RASA3: variants seen among roughly 807,000 people sequenced by gnomAD.
The protein encoded by RASA3 is ras GTPase-activating protein 3.
In RASA3, 73 loss-of-function variants were observed where a neutral mutation model predicts 110.0. The ratio of observed to expected loss-of-function variants is 0.66; its 90% confidence interval spans 0.55 to 0.81. The LOEUF is 0.81. Among genes scored for constraint, RASA3 ranks in the 30% least tolerant of loss-of-function variants. The pLI is 0.00. For missense variants in RASA3, 976 were observed against 1,113.2 expected (o/e 0.88, Z 1.75); for synonymous variants, 500 against 451.4 (o/e 1.11, Z -1.37).
At chr13:114,015,584 G>C (rs1275855786) in intron 13 of RASA3, among the ~76,000 whole-genome samples, 1 of 152,268 alleles carries the variant, frequency 6.6e-6, no homozygotes, top group African/African-American at 2.4e-5. Context: ...TTACTGAGTG[G>C]GGAATGGACG....
intron 2 of RASA3, among the ~76,000 whole-genome samples, chr13:114,064,160 C>T (rs548978481): frequency 4.4e-4 from 67 of 152,316 alleles, no homozygotes; most frequent in African/African-American, 1.5e-3. Context: ...TGTGATCAGC[C>T]AACTCTGAAA....
intron 1 of RASA3, among the ~76,000 whole-genome samples, chr13:114,108,321 AC>A (rs1481045088): frequency 1.2e-5 from 1 of 84,056 alleles, no homozygotes; most frequent in African/African-American, 4.7e-5. Context: ...TGAAACCATC[AC>A]CCCATCTGTC....
chr13:114,070,969 G>A (rs964894958), intron 2 of RASA3, among the ~76,000 whole-genome samples: 25 of 133,298 alleles, frequency 1.9e-4, no homozygotes, highest in African/African-American at 7.7e-4. Context: ...TTACACGTGG[G>A]CAGGGCTGCC....
At chr13:114,075,146 C>G (rs1377235727) in intron 1 of RASA3, among the ~76,000 whole-genome samples, 1 of 152,238 alleles carries the variant, frequency 6.6e-6, no homozygotes, top group Non-Finnish European at 1.5e-5. Flanking sequence ...CCACTCAGGG[C>G]CACATCACCT....
intron 18 of RASA3, 99 bp from the exon 19 acceptor site, chr13:114,001,031 G>A (rs977059160): frequency 2.6e-5 from 20 of 765,924 alleles, no homozygotes; most frequent in African/African-American, 2.6e-4. Context: ...GAGACCTGAG[G>A]CAGGCAGTGG....
chr13:114,034,301 G>A (rs192218210), intron 4 of RASA3, among the ~76,000 whole-genome samples: 154 of 152,384 alleles, frequency 1.0e-3, no homozygotes, highest in African/African-American at 3.3e-3. Context: ...GGACAGAAGC[G>A]TTCAGATTTG....
intron 1 of RASA3, among the ~76,000 whole-genome samples, chr13:114,127,039 T>C (rs540577891): frequency 4.6e-5 from 7 of 152,354 alleles, no homozygotes; most frequent in African/African-American, 1.7e-4. Context: ...TGCTTGTGGC[T>C]GTTTCCAGCC....
intron 1 of RASA3, among the ~76,000 whole-genome samples, chr13:114,124,029 G>A (rs965005436): frequency 2.0e-5 from 3 of 152,136 alleles, no homozygotes; most frequent in Non-Finnish European, 4.4e-5. Flanking sequence ...TCCCCAGTGC[G>A]GCTCCTGTCT....
chr13:114,106,350 T>C (rs916679990), intron 1 of RASA3, among the ~76,000 whole-genome samples: 1 of 152,188 alleles, frequency 6.6e-6, no homozygotes, highest in African/African-American at 2.4e-5. Context: ...AACTTAAAAT[T>C]AGCTTTTCCA....
intron 15 of RASA3, among the ~76,000 whole-genome samples, chr13:114,012,689 CCA>C (rs1264788116): frequency 4.5e-5 from 5 of 111,098 alleles, no homozygotes; most frequent in East Asian, 4.7e-4. Flanking sequence ...TCCACGCACT[CCA>C]CACACTCCTC....
intron 2 of RASA3, among the ~76,000 whole-genome samples, chr13:114,068,215 A>C (rs2079487794): frequency 6.6e-6 from 1 of 152,198 alleles, no homozygotes; most frequent in Non-Finnish European, 1.5e-5. Flanking sequence ...GCAACTCCAC[A>C]GAAAGGGGGG....
intron 12 of RASA3, among the ~76,000 whole-genome samples, chr13:114,016,666 C>A (rs2053799509): frequency 6.6e-6 from 1 of 152,376 alleles, no homozygotes; most frequent in South Asian, 2.1e-4. Flanking sequence ...TGCACCAGCC[C>A]ACACGGACTA....
chr13:114,033,161 C>T (rs544525017), intron 4 of RASA3, among the ~76,000 whole-genome samples: 28 of 99,114 alleles, frequency 2.8e-4, no homozygotes, highest in Non-Finnish European at 1.9e-4. Flanking sequence ...CACGGCACCC[C>T]CACACTGACA....
At chr13:114,104,437 T>C (rs9590437) in intron 1 of RASA3, among the ~76,000 whole-genome samples, 111,488 of 149,244 alleles carry the variant, frequency 0.75, 41,993 homozygotes, top group Middle Eastern at 0.81. Context: ...AGAGGCTCAG[T>C]CCACAGCCCA....
chr13:114,046,436 T>C (rs1028339960), intron 3 of RASA3, among the ~76,000 whole-genome samples: 1 of 152,236 alleles, frequency 6.6e-6, no homozygotes, highest in Admixed American at 6.5e-5. Flanking sequence ...GGGTTCCCCA[T>C]AGGCAGGGTG....
In RASA3 at chr13:114,027,960, G is replaced by A. The variant is rs377235589; in HGVS notation, c.450-33C>T. The A allele has an allele frequency of 5.7e-6, 9 of 1,574,936 alleles. No homozygotes were observed. In the African/African-American group the frequency reaches 1.2e-4, roughly 21 times the overall value. The stretch of plus-strand genomic sequence containing the variant: ...GAGAAGCAGAGGCGGCGTCAGGAGG[G>A]AGCGCAGACACCTGGGCGAATGGCG... On this transcript the variant is annotated intron_variant, in intron 5 of 23. Transcript: ENST00000334062.
Position 114,112,459 on chromosome 13 carries a change from C to G in RASA3, c.55+19976G>C, listed in dbSNP as rs980052549. ...AGGAAGAGAATCACACTCTTTAGAC[C>G]GGGGTCTCAGATTTCAGCCGGACGG... On this transcript the variant is annotated intron_variant, in intron 1 of 23. Transcript: ENST00000334062. This position sits in a 1 kb window ranked among gnomAD's most constrained non-coding sequence, Gnocchi z 4.8. Among the ~76,000 whole-genome samples, 3 of 152,164 alleles carry G rather than the reference C, an allele frequency of 2.0e-5. No individual in the cohort carries two copies. Among genetic ancestry groups the G allele is most frequent in the East Asian group, 1.9e-4 (1 of 5,186 alleles).
At chr13:113,982,757 C>T (rs563782922) in intron 22 of RASA3, among the ~76,000 whole-genome samples, 9 of 152,332 alleles carry the variant, frequency 5.9e-5, no homozygotes, top group Non-Finnish European at 1.0e-4. Flanking sequence ...GGTGACAAGG[C>T]GTGAGGGTGG....
At chr13:114,119,359 T>C (rs2080334197) in intron 1 of RASA3, among the ~76,000 whole-genome samples, 1 of 152,156 alleles carries the variant, frequency 6.6e-6, no homozygotes, top group East Asian at 1.9e-4. Context: ...TGCCACTGAT[T>C]CCAGACGGAT....
Sources: gnomAD v4.1 joint callset for allele counts (sites outside exome capture counted in the v4.1 genomes callset) on GRCh38, gnomAD v4.1.1 for gene constraint, Gnocchi (gnomAD v3.1) non-coding constraint, MANE v1.5 for transcripts, NCBI Gene and HGNC (gene_info 2026-07-23, HGNC 2026-07-21) for gene names.